Variants in PRMT8 observed in about 807,000 individuals in gnomAD.
PRMT8 encodes the protein protein arginine N-methyltransferase 8.
Under a neutral mutation model 47.1 loss-of-function variants are expected in PRMT8, and 7 were observed. The observed-to-expected ratio is 0.15, with a 90% confidence interval of 0.08 to 0.28. PRMT8 has a LOEUF of 0.28. PRMT8 is among the 10% of genes least tolerant of loss of function. PRMT8 has a pLI of 1.00. For synonymous variants in PRMT8, 188 were observed against 186.5 expected (o/e 1.01, Z -0.07); for missense variants, 237 against 505.4 (o/e 0.47, Z 5.09).
intron 7 of PRMT8, 75 bp downstream of exon 7, chr12:3,577,061 C>T (rs1220413384): frequency 1.3e-5 from 17 of 1,264,316 alleles, no homozygotes; most frequent in Middle Eastern, 1.9e-4. Flanking sequence ...CAGGCAATGC[C>T]GGCTCCTGCA....
At chr12:3,414,691 A>G (rs1039851960) in intron 1 of PRMT8, among the ~76,000 whole-genome samples, 4 of 152,074 alleles carry the variant, frequency 2.6e-5, no homozygotes, top group Non-Finnish European at 4.4e-5. Flanking sequence ...AGAGGATGAT[A>G]TTGGGCGATA....
intron 8 of PRMT8, among the ~76,000 whole-genome samples, chr12:3,590,171 T>G (rs549314558): frequency 3.0e-4 from 46 of 152,318 alleles, no homozygotes; most frequent in African/African-American, 1.1e-3. Flanking sequence ...CCTTTCCAAA[T>G]GTGCAGGCTG....
At chr12:3,451,758 T>C (rs1283575758) in intron 1 of PRMT8, among the ~76,000 whole-genome samples, 2 of 152,206 alleles carry the variant, frequency 1.3e-5, no homozygotes, top group African/African-American at 4.8e-5. Flanking sequence ...TACATGTTGA[T>C]TCACTTAAAG....
At chr12:3,511,237 A>G (rs1402092949) in intron 1 of PRMT8, among the ~76,000 whole-genome samples, 1 of 152,150 alleles carries the variant, frequency 6.6e-6, no homozygotes, top group Non-Finnish European at 1.5e-5. Context: ...CCAGCTCCAC[A>G]TGGCTGCCCC....
At chr12:3,393,292 C>T (rs1232613788) in intron 1 of PRMT8, among the ~76,000 whole-genome samples, 6 of 146,046 alleles carry the variant, frequency 4.1e-5, no homozygotes, top group South Asian at 2.2e-4. Flanking sequence ...CTTGCCCATG[C>T]CTATGTCCTG....
chr12:3,527,246 T>C (rs903076183), intron 1 of PRMT8, among the ~76,000 whole-genome samples: 1 of 152,100 alleles, frequency 6.6e-6, no homozygotes, highest in Non-Finnish European at 1.5e-5. Context: ...CTCTAGTGGA[T>C]CCCTGAAATC....
Position 3,570,976 on chromosome 12 carries a change from A to G in PRMT8, c.712+1412A>G, listed in dbSNP as rs1866834274. ...CCTGGGTTTAAATCTTGGCTTTGCC[A>G]TGTCCTAACTGGGTAACCTTGAGCA... On this transcript the variant is annotated intron_variant, in intron 6 of 9. Coordinates refer to ENST00000382622, the MANE Select transcript of PRMT8 (RefSeq NM_019854.5). This position sits in a 1 kb window ranked among gnomAD's most constrained non-coding sequence, Gnocchi z 5.5. Among the ~76,000 whole-genome samples the G allele has an allele frequency of 6.6e-6, 1 of 152,244 alleles. No individual in the cohort carries two copies. Among genetic ancestry groups the G allele is most frequent in the South Asian group, 2.1e-4 (1 of 4,836 alleles).
upstream of PRMT8, among the ~76,000 whole-genome samples, chr12:3,489,072 A>G (rs546962740): frequency 4.1e-4 from 62 of 152,272 alleles, no homozygotes; most frequent in African/African-American, 1.5e-3. Context: ...TCACAGCCCC[A>G]GGCTGGCTCT....
At chr12:3,505,166 G>A (rs893511662) in intron 1 of PRMT8, among the ~76,000 whole-genome samples, 9 of 151,616 alleles carry the variant, frequency 5.9e-5, no homozygotes, top group African/African-American at 1.9e-4. Flanking sequence ...CGTCTTCTGC[G>A]TTGCTCACGC....
At chr12:3,414,778 C>G (rs1256256650) in intron 1 of PRMT8, among the ~76,000 whole-genome samples, 2 of 151,976 alleles carry the variant, frequency 1.3e-5, no homozygotes, top group South Asian at 2.1e-4. Context: ...GAAGCTGCAC[C>G]ATCCGAAGTT....
At position 3,495,680 on chromosome 12, in the gene PRMT8, T is replaced by C. The variant is rs979092064; in HGVS notation, c.75+3980T>C. On this transcript the variant is annotated intron_variant, in intron 1 of 9. Coordinates refer to ENST00000382622, the MANE Select transcript of PRMT8 (RefSeq NM_019854.5). Reference sequence around the variant, plus strand: ...GATAATGCACTTTTTTTTGAATTTGTGGGCCTGACACACAATAAGTAATAA... The same window carrying C: ...GATAATGCACTTTTTTTTGAATTTGCGGGCCTGACACACAATAAGTAATAA... Among the ~76,000 whole-genome samples the C allele has an allele frequency of 2.0e-5, 3 of 152,336 alleles. No individual in the cohort carries two copies. The East Asian group carries it at 5.8e-4, about 29-fold the overall frequency.
intron 8 of PRMT8, among the ~76,000 whole-genome samples, chr12:3,591,672 C>A (rs999301467): frequency 2.0e-5 from 3 of 152,090 alleles, no homozygotes; most frequent in Admixed American, 1.3e-4. Flanking sequence ...GAGGTTACAG[C>A]TATGAGCCAC....
chr12:3,467,601 C>A (rs1865114635), intron 1 of PRMT8, among the ~76,000 whole-genome samples: 1 of 152,206 alleles, frequency 6.6e-6, no homozygotes, highest in South Asian at 2.1e-4. Context: ...CTCCTGAGTG[C>A]TGTGGCCTCC....
At position 3,508,935 on chromosome 12, in the gene PRMT8, C is replaced by T. The variant is rs1458771515; in HGVS notation, c.75+17235C>T. ...GCTCTCTCCTTTCTCCATAACAAGA[C>T]CTGGCGATTCTACATCTGAAATGTT... On this transcript the variant is annotated intron_variant, in intron 1 of 9. Transcript: ENST00000382622. The surrounding 1 kb of genome is among the most constrained non-coding windows in gnomAD (Gnocchi z 4.9). Among the ~76,000 whole-genome samples the T allele has an allele frequency of 6.6e-6, 1 of 152,178 alleles. No individual in the cohort carries two copies. Among genetic ancestry groups the T allele is most frequent in the Non-Finnish European group, 1.5e-5 (1 of 68,024 alleles).
chr12:3,407,966 GTTGT>G (rs1364388923), intron 1 of PRMT8, among the ~76,000 whole-genome samples: 4 of 151,524 alleles, frequency 2.6e-5, no homozygotes, highest in African/African-American at 9.7e-5. Context: ...TTTCTGTTTG[GTTGT>G]TTGTTTTTCT....
chr12:3,444,793 C>T (rs746810255), intron 1 of PRMT8, among the ~76,000 whole-genome samples: 3 of 152,198 alleles, frequency 2.0e-5, no homozygotes, highest in Non-Finnish European at 4.4e-5. Flanking sequence ...GTGGAAGGGA[C>T]GAATATGGAG....
intron 1 of PRMT8, among the ~76,000 whole-genome samples, chr12:3,458,645 A>G (rs1355208789): frequency 6.6e-6 from 1 of 152,240 alleles, no homozygotes; most frequent in Non-Finnish European, 1.5e-5. Flanking sequence ...GTCCTGTTCC[A>G]CTTCAGTTTG....
intron 1 of PRMT8, among the ~76,000 whole-genome samples, chr12:3,444,171 C>T (rs1188902292): frequency 6.6e-6 from 1 of 152,194 alleles, no homozygotes; most frequent in African/African-American, 2.4e-5. Context: ...GGGTTAATTT[C>T]CTTTCTCATC....
intron 9 of PRMT8, 81 bp downstream of exon 9, chr12:3,592,433 T>A (rs1024417028): frequency 6.8e-7 from 1 of 1,478,178 alleles, no homozygotes; most frequent in Non-Finnish European, 9.1e-7. Flanking sequence ...GCCCGGGTTC[T>A]TAAGTGTCTC....
Sources: allele counts gnomAD v4.1 joint callset (sites outside exome capture counted in the v4.1 genomes callset), GRCh38; gene constraint gnomAD v4.1.1; non-coding constraint Gnocchi (gnomAD v3.1); transcripts MANE v1.5; gene names NCBI Gene and HGNC (gene_info 2026-07-23, HGNC 2026-07-21).